ACTL8: variants seen among roughly 807,000 people sequenced by gnomAD.
ACTL8 encodes the protein actin like 8, also known as actin-like protein 8.
A neutral mutation model predicts 9.3 loss-of-function variants in ACTL8; 3 were observed. The observed-to-expected ratio is 0.32, with a 90% CI of 0.15 to 0.83. ACTL8 has a LOEUF of 0.83. ACTL8 is among the 40% of genes least tolerant of loss of function. The pLI is 0.57. For missense variants in ACTL8, 381 were observed against 492.2 expected (o/e 0.77, Z 2.14); for synonymous variants, 224 against 205.9 (o/e 1.09, Z -0.75).
chr1:17,799,967 A>C (rs940106800), intron 1 of ACTL8, among the ~76,000 whole-genome samples: 5 of 152,064 alleles, frequency 3.3e-5, no homozygotes, highest in African/African-American at 1.2e-4. Flanking sequence ...TTTTATACGA[A>C]TGTCTTAGCC....
chr1:17,774,592 G>T (rs1369670528), intron 1 of ACTL8, among the ~76,000 whole-genome samples: 1 of 152,162 alleles, frequency 6.6e-6, no homozygotes, highest in African/African-American at 2.4e-5. Flanking sequence ...GGGGAAGGGT[G>T]TTCAGGCAGC....
chr1:17,816,792 G>C (rs1285587427), intron 1 of ACTL8, among the ~76,000 whole-genome samples: 1 of 152,098 alleles, frequency 6.6e-6, no homozygotes, highest in Non-Finnish European at 1.5e-5. Context: ...TTCTCTGACT[G>C]GCTCCCATTT....
Position 17,806,010 on chromosome 1 carries a change from G to A in ACTL8, c.-24-16975G>A, listed in dbSNP as rs557864774. ...TCCTGGACATTGGTGTATCCATTCC[G>A]GTCCTTGGGAGTGGCTGATTAAAGG... is the stretch of plus-strand genomic sequence containing the variant. On this transcript the variant is annotated intron_variant, in intron 1 of 2. Coordinates refer to ENST00000375406, the MANE Select transcript of ACTL8 (RefSeq NM_030812.3). Among the ~76,000 whole-genome samples, 6 of 152,284 alleles carry A rather than the reference G, an allele frequency of 3.9e-5. No homozygotes were observed. The South Asian group carries it at 1.0e-3, about 26-fold the overall frequency.
At chr1:17,814,139 T>A (rs2066409756) in intron 1 of ACTL8, among the ~76,000 whole-genome samples, 1 of 152,246 alleles carries the variant, frequency 6.6e-6, no homozygotes, top group African/African-American at 2.4e-5. Flanking sequence ...ATGGCATATA[T>A]GATGGTGGTC....
intron 1 of ACTL8, among the ~76,000 whole-genome samples, chr1:17,781,155 C>T (rs867438481): frequency 1.3e-5 from 2 of 151,886 alleles, no homozygotes; most frequent in African/African-American, 2.4e-5. Flanking sequence ...CTGCCATCTC[C>T]GGCTCTGTCC....
At chr1:17,815,168 C>G (rs1310908115) in intron 1 of ACTL8, among the ~76,000 whole-genome samples, 1 of 152,200 alleles carries the variant, frequency 6.6e-6, no homozygotes, top group Non-Finnish European at 1.5e-5. Flanking sequence ...AAGTAGTAGG[C>G]TATACCATAT....
intron 1 of ACTL8, among the ~76,000 whole-genome samples, chr1:17,764,796 C>T (rs1188063574): frequency 1.3e-5 from 2 of 152,220 alleles, no homozygotes; most frequent in African/African-American, 4.8e-5. Flanking sequence ...GGGGAGTTCA[C>T]GCAGAAACTG....
chr1:17,806,518 TGC>T (rs1557442928), intron 1 of ACTL8, among the ~76,000 whole-genome samples: 1 of 152,224 alleles, frequency 6.6e-6, no homozygotes, highest in Non-Finnish European at 1.5e-5. Context: ...CCAGTCCAGC[TGC>T]TGCTGGGAGT....
chr1:17,818,802 C>T (rs1302798905), intron 1 of ACTL8, among the ~76,000 whole-genome samples: 2 of 152,202 alleles, frequency 1.3e-5, no homozygotes, highest in African/African-American at 4.8e-5. Flanking sequence ...TCTTCCCTGA[C>T]ATGCTGTGTT....
intron 1 of ACTL8, among the ~76,000 whole-genome samples, chr1:17,755,996 T>A (rs1046767285): frequency 1.3e-5 from 2 of 152,064 alleles, no homozygotes; most frequent in African/African-American, 4.8e-5. Flanking sequence ...GGGCTCTTTT[T>A]TTGAGGACGT....
intron 1 of ACTL8, among the ~76,000 whole-genome samples, chr1:17,791,995 G>GC (rs72052257): frequency 3.1e-4 from 47 of 152,068 alleles, no homozygotes; most frequent in African/African-American, 8.9e-4. Flanking sequence ...TTGGGATCCT[G>GC]CCCCCCCTCA....
At position 17,797,161 on chromosome 1, in the gene ACTL8, G is replaced by A. The variant is rs570050012; in HGVS notation, c.-24-25824G>A. ...CAGGGTTGGGATCCAAATCCCTCCCGCCTCTCTGTGGTCCCTGCTGCCTGA... is the reference window on the plus strand; with the variant it reads ...CAGGGTTGGGATCCAAATCCCTCCCACCTCTCTGTGGTCCCTGCTGCCTGA... On this transcript the variant is annotated intron_variant, in intron 1 of 2. Coordinates refer to ENST00000375406, the MANE Select transcript of ACTL8 (RefSeq NM_030812.3). Among the ~76,000 whole-genome samples the A allele has an allele frequency of 8.5e-5, 13 of 152,102 alleles. No homozygotes were observed. The South Asian group carries it at 1.7e-3, about 20-fold the overall frequency.
chr1:17,775,393 G>A (rs2066111947), intron 1 of ACTL8, among the ~76,000 whole-genome samples: 1 of 152,170 alleles, frequency 6.6e-6, no homozygotes, highest in African/African-American at 2.4e-5. Context: ...CTCTTAGGAT[G>A]GGAATGGCCA....
chr1:17,776,363 C>T lies in ACTL8; in HGVS notation c.-25+20859C>T, dbSNP rs566890872. On this transcript the variant is annotated intron_variant, in intron 1 of 2. Coordinates refer to ENST00000375406, the MANE Select transcript of ACTL8 (RefSeq NM_030812.3). ...TCCAGGGTCAATGAGTTTGGTTGCTCGGTGCCTGGAGCTGATGGTGAGGAC... is the reference window on the plus strand; with the variant it reads ...TCCAGGGTCAATGAGTTTGGTTGCTTGGTGCCTGGAGCTGATGGTGAGGAC... Among the ~76,000 whole-genome samples, 7 of 152,244 alleles carry T rather than the reference C, an allele frequency of 4.6e-5. 1 individual carries two copies. In the South Asian group the frequency reaches 6.2e-4, roughly 14 times the overall value.
intron 1 of ACTL8, among the ~76,000 whole-genome samples, chr1:17,789,153 T>A (rs1396704205): frequency 6.6e-6 from 1 of 152,234 alleles, no homozygotes; most frequent in African/African-American, 2.4e-5. Flanking sequence ...GACATATACA[T>A]AATCAGAGTT....
At chr1:17,799,311 C>G (rs981655846) in intron 1 of ACTL8, among the ~76,000 whole-genome samples, 1 of 152,232 alleles carries the variant, frequency 6.6e-6, no homozygotes, top group Non-Finnish European at 1.5e-5. Context: ...TTTTGCTAAT[C>G]TGATATGTGT....
At chr1:17,755,629 A>G (rs925985666) in intron 1 of ACTL8, 125 bp downstream of exon 1, 1 of 128,246 alleles carries the variant, frequency 7.8e-6, no homozygotes, top group African/African-American at 3.1e-5. Context: ...GTCAGCCCCC[A>G]AGGGTTTGTG....
chr1:17,823,408 C>G lies in ACTL8; in HGVS notation c.348+52C>G, dbSNP rs751469963. ...CTCGGGAGCGGGAAACAGACTGACA[C>G]TATGTCTGGACTGATTGGGCACCAG... On this transcript the variant is annotated intron_variant, in intron 2 of 2. Transcript: ENST00000375406. This position sits in a 1 kb window ranked among gnomAD's most constrained non-coding sequence, Gnocchi z 5.3. The G allele has an allele frequency of 6.6e-7, 1 of 1,523,762 alleles. No homozygotes were observed. The highest frequency in any genetic ancestry group is 8.9e-7 in the Non-Finnish European group (1 of 1,120,752). The allele number at this position is 1,523,762 out of a possible 1,614,324, so 94.4% of individuals were successfully genotyped here.
rs1360879742 is a variant in ACTL8, at chr1:17,823,139, C to A, written c.131C>A (p.Pro44His). The change falls in exon 2 of 3, where the codon CCC becomes CAC. Residue 44 changes from proline (P) to histidine (H), a missense_variant. Physicochemically the swap from Pro to His is moderately conservative, Grantham distance 77. This residue lies in a region of ACTL8 where 125 missense variants were observed against 180.7 expected (regional missense o/e 0.69). Transcript: ENST00000375406. The surrounding 1 kb of genome is among the most constrained non-coding windows in gnomAD (Gnocchi z 5.3). Reference protein sequence around the residue: ...NYLPCKENPGPSYARRRVSLG... With the variant: ...NYLPCKENPGHSYARRRVSLG... ...CTACCGTGCAAGGAGAACCCTGGCC[C>A]CAGCTATGCCCGTAGGCGTGTGAGC... The A allele has an allele frequency of 1.2e-6, 2 of 1,614,102 alleles. No individual in the cohort carries two copies. Among genetic ancestry groups the A allele is most frequent in the Admixed American group, 3.3e-5 (2 of 60,010 alleles).
Sources: allele counts gnomAD v4.1 joint callset (sites outside exome capture counted in the v4.1 genomes callset), GRCh38; gene constraint gnomAD v4.1.1; regional missense constraint gnomAD v4.1.1; non-coding constraint Gnocchi (gnomAD v3.1); transcripts MANE v1.5; gene names NCBI Gene and HGNC (gene_info 2026-07-23, HGNC 2026-07-21).